Variants in KCNQ3 observed in about 807,000 individuals in gnomAD.
KCNQ3 encodes the protein potassium voltage-gated channel subfamily KQT member 3.
A neutral mutation model predicts 92.5 loss-of-function variants in KCNQ3; 30 were observed. The ratio of observed to expected loss-of-function variants is 0.32; its 90% CI spans 0.24 to 0.44. The LOEUF (loss-of-function observed/expected upper bound fraction) is 0.44, where lower values mean the gene tolerates loss of function less well. Ranked by LOEUF, KCNQ3 falls within the 20% of genes least tolerant of loss-of-function variation. The pLI is 1.00. For synonymous variants in KCNQ3, 450 were observed against 468.8 expected, an observed-to-expected ratio of 0.96 and a Z score of 0.52; for missense variants, 913 against 1,140.3, an observed-to-expected ratio of 0.80 and a Z score of 2.87.
chr8:132,183,250 G>C (rs962603051), intron 3 of KCNQ3, among the ~76,000 whole-genome samples: 4 of 152,124 alleles, frequency 2.6e-5, no homozygotes, highest in Non-Finnish European at 5.9e-5. Flanking sequence ...GTTGTTTCTT[G>C]GTAAAAGAAG....
rs181842245 is a variant in KCNQ3 at position 132,415,788 on chromosome 8, C to T, written c.386+64359G>A. ...CTATCTTAGCTATTGCCATGATTTT[C>T]GGCCCTTCAACAGGCCACAGTACAT... On this transcript the variant is annotated intron_variant, in intron 1 of 14. Transcript: ENST00000388996. 1.7e-3 allele frequency among the ~76,000 whole-genome samples: 259 copies of T among 152,136 alleles called. 2 individuals are homozygous for T. The highest frequency in any genetic ancestry group is 7.5e-3 in the East Asian group (39 of 5,176).
chr8:132,270,162 C>G (rs763225274), intron 1 of KCNQ3, among the ~76,000 whole-genome samples: 4 of 151,798 alleles, frequency 2.6e-5, no homozygotes, highest in Non-Finnish European at 5.9e-5. Flanking sequence ...CTTTATTATT[C>G]AGCTTTGCCA....
chr8:132,281,467 G>A (rs1816509929), intron 1 of KCNQ3, among the ~76,000 whole-genome samples: 1 of 151,828 alleles, frequency 6.6e-6, no homozygotes. Context: ...CATACACATG[G>A]AGTATGTATA....
intron 4 of KCNQ3, among the ~76,000 whole-genome samples, chr8:132,179,908 C>T (rs1826696522): frequency 6.6e-6 from 1 of 152,186 alleles, no homozygotes; most frequent in Non-Finnish European, 1.5e-5. Context: ...TGGCCAAAGT[C>T]ATTTGCATAT....
chr8:132,172,397 TACACACACACACACACAC>T (rs35831322), intron 7 of KCNQ3, among the ~76,000 whole-genome samples, 183 bp downstream of exon 7: 2 of 140,392 alleles, frequency 1.4e-5, no homozygotes, highest in Admixed American at 7.1e-5. Flanking sequence ...GGCACATTAA[TACACACACACACACACAC>T]ACACACACAC....
intron 8 of KCNQ3, among the ~76,000 whole-genome samples, chr8:132,168,010 C>T (rs1826190002): frequency 6.6e-6 from 1 of 152,216 alleles, no homozygotes; most frequent in Non-Finnish European, 1.5e-5. Context: ...CAAATGGAAA[C>T]ATGTAAGTCA....
intron 1 of KCNQ3, among the ~76,000 whole-genome samples, chr8:132,455,122 G>T (rs762586522): frequency 2.0e-5 from 3 of 152,172 alleles, no homozygotes; most frequent in Non-Finnish European, 4.4e-5. Context: ...AGTTAAAATG[G>T]TAAATTTTTT....
At chr8:132,176,387 C>G (rs966093321) in intron 4 of KCNQ3, among the ~76,000 whole-genome samples, 1 of 152,146 alleles carries the variant, frequency 6.6e-6, no homozygotes, top group Non-Finnish European at 1.5e-5. Flanking sequence ...CTTCCAGCTC[C>G]AACTTTCTCT....
intron 1 of KCNQ3, among the ~76,000 whole-genome samples, chr8:132,457,145 A>G (rs769064292): frequency 6.6e-6 from 1 of 152,234 alleles, no homozygotes; most frequent in Non-Finnish European, 1.5e-5. Context: ...CCCTTTGGAA[A>G]GAGTAGATCT....
chr8:132,243,526 T>C (rs1334959804), intron 1 of KCNQ3, among the ~76,000 whole-genome samples: 1 of 152,166 alleles, frequency 6.6e-6, no homozygotes, highest in African/African-American at 2.4e-5. Context: ...GAGTAAAAAA[T>C]AGAAAATTAA....
At chr8:132,464,735 G>T (rs965876035) in intron 1 of KCNQ3, among the ~76,000 whole-genome samples, 1 of 152,162 alleles carries the variant, frequency 6.6e-6, no homozygotes, top group East Asian at 1.9e-4. Flanking sequence ...ACAACTTTTC[G>T]TGATCCCCAA....
intron 1 of KCNQ3, among the ~76,000 whole-genome samples, chr8:132,189,888 C>CAAAA (rs776683880): frequency 0.26 from 16,511 of 62,868 alleles, 2,265 homozygotes; most frequent in Non-Finnish European, 0.31. Context: ...TAAAAATGAC[C>CAAAA]AAAAAAAAAA....
chr8:132,443,043 G>A (rs1286206235), intron 1 of KCNQ3, among the ~76,000 whole-genome samples: 1 of 152,166 alleles, frequency 6.6e-6, no homozygotes, highest in East Asian at 1.9e-4. Flanking sequence ...CACATGGAGA[G>A]AAATGACAAA....
intron 7 of KCNQ3, among the ~76,000 whole-genome samples, chr8:132,170,738 G>A (rs763019527): frequency 2.1e-4 from 32 of 151,964 alleles, no homozygotes; most frequent in Non-Finnish European, 3.5e-4. Flanking sequence ...AAAGGCCGGT[G>A]CTATGGCTCA....
chr8:132,127,289 C>CATA lies in KCNQ3; in HGVS notation c.*1972_*1973insTAT, dbSNP rs1369822506. The CATA allele has an allele frequency of 6.6e-6, 1 of 152,216 alleles. No individual in the cohort carries two copies. Among genetic ancestry groups the CATA allele is most frequent in the Non-Finnish European group, 1.5e-5 (1 of 68,044 alleles). 9.4% of individuals were successfully genotyped at this position (152,216 alleles called of 1,614,324 possible). A position where few individuals can be genotyped will look rare whatever the true frequency, so the allele number is the denominator to read the frequency against. ...TCAGACTTCAAGGTCTACACCCATCCATTTATGGGGCTCTCCATAAAAAAC... is the reference window on the plus strand; with the variant it reads ...TCAGACTTCAAGGTCTACACCCATCCATAATTTATGGGGCTCTCCATAAAAAAC... On this transcript the variant is annotated 3_prime_UTR_variant, in exon 15 of 15. Coordinates refer to ENST00000388996, the MANE Select transcript of KCNQ3 (RefSeq NM_004519.4).
intron 1 of KCNQ3, among the ~76,000 whole-genome samples, chr8:132,267,489 C>T (rs1256684833): frequency 2.0e-5 from 3 of 152,172 alleles, no homozygotes; most frequent in Admixed American, 6.5e-5. Context: ...CAAACCAACA[C>T]TTTGAACAAG....
intron 1 of KCNQ3, among the ~76,000 whole-genome samples, chr8:132,245,803 C>T (rs115363902): frequency 6.6e-6 from 1 of 152,332 alleles, no homozygotes; most frequent in African/African-American, 2.4e-5. Flanking sequence ...TATGCTGCTA[C>T]ATCCTTGTAC....
In KCNQ3 at chr8:132,429,891, A is replaced by T. The variant is rs12678119; in HGVS notation, c.386+50256T>A. On this transcript the variant is annotated intron_variant, in intron 1 of 14. Transcript: ENST00000388996. ...AAAAAAAAAAAAAAAAAATAGAATG[A>T]CAGTTTTCCAATCACCTTACCTAGA... 1.1e-4 allele frequency among the ~76,000 whole-genome samples: 17 copies of T among 151,350 alleles called. 1 individual carries two copies. The highest frequency in any genetic ancestry group is 6.6e-5 in the Admixed American group (1 of 15,184).
At chr8:132,342,276 C>A (rs1427138625) in intron 1 of KCNQ3, among the ~76,000 whole-genome samples, 1 of 152,128 alleles carries the variant, frequency 6.6e-6, no homozygotes, top group Non-Finnish European at 1.5e-5. Context: ...CCCCCTCCCC[C>A]TGAAATCCAA....
Sources: allele counts gnomAD v4.1 joint callset (sites outside exome capture counted in the v4.1 genomes callset), GRCh38; gene constraint gnomAD v4.1.1; transcripts MANE v1.5; gene names NCBI Gene and HGNC (gene_info 2026-07-23, HGNC 2026-07-21).